LIPI: variants seen among roughly 807,000 people sequenced by gnomAD.
LIPI encodes lipase I.
LIPI carries 59 observed loss-of-function variants against 50.6 expected under a neutral mutation model. The ratio of observed to expected loss-of-function variants is 1.16; its 90% CI spans 0.94 to 1.45. LIPI has a LOEUF of 1.45. LIPI is among the 40% of genes most tolerant of loss of function. LIPI has a pLI of 0.00. For missense variants in LIPI, 586 were observed against 536.3 expected, an observed-to-expected ratio of 1.09 and a Z score of -0.92; for synonymous variants, 203 against 178.2, an observed-to-expected ratio of 1.14 and a Z score of -1.11.
At chr21:14,208,260 C>A (rs1489535309) in intron 1 of LIPI, among the ~76,000 whole-genome samples, 1 of 152,130 alleles carries the variant, frequency 6.6e-6, no homozygotes. Flanking sequence ...TCTGCGTACC[C>A]GTAGGCATCA....
intron 1 of LIPI, among the ~76,000 whole-genome samples, chr21:14,196,172 A>AAAAAAAAT (rs139955022): frequency 2.2e-5 from 3 of 138,336 alleles, no homozygotes; most frequent in East Asian, 4.1e-4. Context: ...AAAAAACAAA[A>AAAAAAAAT]CAAGAAGTAT....
intron 1 of LIPI, among the ~76,000 whole-genome samples, chr21:14,203,070 G>A (rs369747408): frequency 0.14 from 21,071 of 151,920 alleles, 1,922 homozygotes; most frequent in South Asian, 0.21. Flanking sequence ...GCAGCCAAAA[G>A]ACACATGAAA....
intron 1 of LIPI, among the ~76,000 whole-genome samples, chr21:14,197,019 G>A (rs2019886493): frequency 6.9e-6 from 1 of 144,058 alleles, no homozygotes; most frequent in African/African-American, 2.5e-5. Context: ...CATAAAGATA[G>A]GACAAATACA....
intron 7 of LIPI, among the ~76,000 whole-genome samples, chr21:14,158,649 C>A (rs1050845277): frequency 8.8e-5 from 13 of 147,246 alleles, no homozygotes; most frequent in Non-Finnish European, 1.8e-4. Context: ...AGAGAGAGAA[C>A]AAAGCAGAAA....
At chr21:14,206,218 G>A (rs1026264220) in intron 1 of LIPI, among the ~76,000 whole-genome samples, 1 of 152,126 alleles carries the variant, frequency 6.6e-6, no homozygotes, top group Non-Finnish European at 1.5e-5. Flanking sequence ...GTGAGCAGCT[G>A]AGACTCAAGT....
intron 4 of LIPI, among the ~76,000 whole-genome samples, chr21:14,171,395 C>T (rs1242875127): frequency 6.6e-6 from 1 of 150,558 alleles, no homozygotes; most frequent in South Asian, 2.2e-4. Context: ...CAAAAAAGAG[C>T]CCGCATCGCC....
In LIPI at chr21:14,136,836, T is replaced by G. The variant is rs555095592; in HGVS notation, c.1295+7787A>C. Among the ~76,000 whole-genome samples the G allele has an allele frequency of 1.2e-4, 19 of 152,250 alleles. No individual in the cohort carries two copies. In the East Asian group the frequency reaches 3.7e-3, roughly 29 times the overall value. On this transcript the variant is annotated intron_variant, in intron 9 of 9. Transcript: ENST00000681601. ...GTTGGTGGCCACAGGTGTGCTTGTG[T>G]CACTCCACCCCCAGATTTAGGTGGC... is the stretch of plus-strand genomic sequence containing the variant.
intron 2 of LIPI, among the ~76,000 whole-genome samples, chr21:14,188,285 T>C (rs929359044): frequency 1.5e-4 from 23 of 152,208 alleles, no homozygotes; most frequent in African/African-American, 5.5e-4. Flanking sequence ...AGAAGTATGC[T>C]ACTTTTCAAA....
intron 8 of LIPI, among the ~76,000 whole-genome samples, chr21:14,145,912 T>A (rs975263863): frequency 6.6e-5 from 10 of 152,134 alleles, no homozygotes; most frequent in Non-Finnish European, 1.5e-4. Context: ...GACATGATCA[T>A]TCTACTCAAA....
At chr21:14,119,103 T>C (rs1227668626) in intron 9 of LIPI, among the ~76,000 whole-genome samples, 1 of 152,238 alleles carries the variant, frequency 6.6e-6, no homozygotes, top group African/African-American at 2.4e-5. Context: ...TTAGCCCCTG[T>C]AAGCCGAGAC....
At position 14,170,541 on chromosome 21, in the gene LIPI, C is replaced by G. The variant is rs572852776; in HGVS notation, c.644-4090G>C. On this transcript the variant is annotated intron_variant, in intron 4 of 9. Coordinates refer to ENST00000681601, the MANE Select transcript of LIPI (RefSeq NM_001302998.2). ...ATGATCAAGTGGGCTTCATCCCTGG[C>G]ATGCAAGGCTGGTTCAATATACGCA... 4.7e-3 allele frequency among the ~76,000 whole-genome samples: 716 copies of G among 152,280 alleles called. 4 individuals are homozygous for G. The highest frequency in any genetic ancestry group is 8.3e-3 in the Non-Finnish European group (567 of 68,010).
chr21:14,209,095 A>G (rs1568889968), intron 1 of LIPI, among the ~76,000 whole-genome samples: 1 of 152,206 alleles, frequency 6.6e-6, no homozygotes, highest in Non-Finnish European at 1.5e-5. Context: ...TAACAGCAAC[A>G]ACAAAAATTT....
intron 4 of LIPI, 68 bp from the exon 5 acceptor site, chr21:14,166,519 A>G: frequency 1.2e-6 from 1 of 825,276 alleles, no homozygotes; most frequent in Non-Finnish European, 2.1e-6. Flanking sequence ...ATAAAACAAA[A>G]TAGCCTATAA....
chr21:14,125,549 T>G (rs377726259), intron 9 of LIPI, among the ~76,000 whole-genome samples: 15 of 152,094 alleles, frequency 9.9e-5, no homozygotes, highest in African/African-American at 3.6e-4. Flanking sequence ...GTGTTTTGTT[T>G]TGTTTTGTTT....
intron 1 of LIPI, among the ~76,000 whole-genome samples, chr21:14,199,413 A>G (rs962931506): frequency 2.0e-5 from 3 of 152,000 alleles, no homozygotes; most frequent in African/African-American, 7.2e-5. Context: ...GGGTTATATT[A>G]CTACTTAACC....
rs564667970 is a variant in LIPI at position 14,172,444 on chromosome 21, T to C, written c.644-5993A>G. Among the ~76,000 whole-genome samples, 319 of 152,110 alleles carry C rather than the reference T, an allele frequency of 2.1e-3. 1 individual carries two copies. The highest frequency in any genetic ancestry group is 3.6e-3 in the Non-Finnish European group (242 of 67,980). On this transcript the variant is annotated intron_variant, in intron 4 of 9. Transcript: ENST00000681601. ...ATGTTTATTGCAGCACTATTCACAA[T>C]AGCAAAGACTTGGAACCAACCCAAA...
chr21:14,175,254 T>A (rs1250298273), intron 4 of LIPI, among the ~76,000 whole-genome samples: 1 of 152,224 alleles, frequency 6.6e-6, no homozygotes, highest in Non-Finnish European at 1.5e-5. Flanking sequence ...TAATGCTGAA[T>A]AGTTGTAGCG....
chr21:14,117,383 T>A (rs922251117), intron 9 of LIPI, among the ~76,000 whole-genome samples: 1 of 152,062 alleles, frequency 6.6e-6, no homozygotes, highest in Non-Finnish European at 1.5e-5. Context: ...CGCTGCAGAG[T>A]AATACAAGTG....
intron 9 of LIPI, among the ~76,000 whole-genome samples, chr21:14,117,623 G>A (rs909918210): frequency 6.6e-6 from 1 of 152,152 alleles, no homozygotes; most frequent in Non-Finnish European, 1.5e-5. Context: ...CCAGATGAAA[G>A]CCCCAGTGAG....
Sources: allele counts gnomAD v4.1 joint callset (sites outside exome capture counted in the v4.1 genomes callset), GRCh38; gene constraint gnomAD v4.1.1; transcripts MANE v1.5; gene names NCBI Gene and HGNC (gene_info 2026-07-23, HGNC 2026-07-21).